The following PARP9 variants were observed in gnomAD, a reference collection of about 807,000 sequenced individuals.
The protein encoded by PARP9 is protein mono-ADP-ribosyltransferase PARP9.
PARP9 carries 48 observed loss-of-function variants against 68.8 expected under a neutral mutation model. The observed-to-expected ratio is 0.70, with a 90% CI of 0.55 to 0.89. The LOEUF (loss-of-function observed/expected upper bound fraction) is 0.89, where lower values mean the gene tolerates loss of function less well. PARP9 is among the 40% of genes least tolerant of loss of function. The pLI is 0.00. For synonymous variants in PARP9, 309 were observed against 333.8 expected, an observed-to-expected ratio of 0.93 and a Z score of 0.81; for missense variants, 806 against 969.3, an observed-to-expected ratio of 0.83 and a Z score of 2.24.
chr3:122,546,666 T>A (rs1460367390), intron 6 of PARP9, among the ~76,000 whole-genome samples: 1 of 152,146 alleles, frequency 6.6e-6, no homozygotes, highest in African/African-American at 2.4e-5. Flanking sequence ...GAAGGAATGG[T>A]CAACATTCAC....
intron 7 of PARP9, among the ~76,000 whole-genome samples, chr3:122,542,804 A>G (rs149233310): frequency 8.8e-4 from 134 of 152,188 alleles, no homozygotes; most frequent in Admixed American, 1.7e-3. Context: ...ACTTTAGTAT[A>G]TGTGTTGGCA....
chr3:122,531,142 G>A (rs1037079953), intron 10 of PARP9, among the ~76,000 whole-genome samples: 2 of 151,992 alleles, frequency 1.3e-5, no homozygotes, highest in South Asian at 2.1e-4. Context: ...AATTTAGACC[G>A]GCCACATTTC....
rs1388068969 is a variant in PARP9, at chr3:122,527,953, A to G, written c.*411T>C. The G allele has an allele frequency of 6.5e-6, 1 of 153,246 alleles. No homozygotes were observed. The highest frequency in any genetic ancestry group is 2.4e-5 in the African/African-American group (1 of 41,488). The allele number at this position is 153,246 out of a possible 1,614,324, so 9.5% of individuals were successfully genotyped here. A position where few individuals can be genotyped will look rare whatever the true frequency, so the allele number is the denominator to read the frequency against. On this transcript the variant is annotated 3_prime_UTR_variant, in exon 11 of 11. Transcript: ENST00000682323. ...TCAGACAAAGATGATTTATTTTCAT[A>G]CCTAAAGCACTTTATAATATTCTCT...
rs776833441 is a variant in PARP9 at position 122,540,794 on chromosome 3, G to A, written c.1443C>T (p.Ala481=). 6.2e-6 allele frequency: 10 copies of A among 1,614,020 alleles called. No homozygotes were observed. Among genetic ancestry groups the A allele is most frequent in the Non-Finnish European group, 4.2e-6 (5 of 1,179,974 alleles). The change falls in exon 8 of 11, where the codon GCC becomes GCT. Residue 481 remains alanine (A), a synonymous_variant. Transcript: ENST00000682323. ...RENGLEARSP[A]INLMGFNVEE... ...CCACGTTGAATCCCATCAGATTGAT[G>A]GCAGGAGATCTAGCTTCAAGCCCAT...
At chr3:122,546,589 G>A (rs927518958) in intron 6 of PARP9, among the ~76,000 whole-genome samples, 5 of 152,154 alleles carry the variant, frequency 3.3e-5, no homozygotes, top group African/African-American at 1.2e-4. Flanking sequence ...ATTAGAAGAT[G>A]TATACATTAT....
intron 10 of PARP9, among the ~76,000 whole-genome samples, chr3:122,531,371 T>C (rs2077293282): frequency 6.6e-6 from 1 of 152,252 alleles, no homozygotes; most frequent in African/African-American, 2.4e-5. Flanking sequence ...TTGCTCTTTG[T>C]TCTTCCACCT....
intron 7 of PARP9, among the ~76,000 whole-genome samples, chr3:122,541,929 G>A (rs2078260250): frequency 6.6e-6 from 1 of 152,174 alleles, no homozygotes; most frequent in Admixed American, 6.5e-5. Context: ...TGGTACAGGA[G>A]CTACAAAAGA....
chr3:122,528,428 C>T lies in PARP9; in HGVS notation c.2396G>A (p.Gly799Glu), dbSNP rs765837687. Residue 799 changes from glycine (G) to glutamate (E), a missense_variant, in exon 11 of 11, where the codon GGA becomes GAA. Physicochemically the swap from Gly to Glu is moderately conservative, Grantham distance 98 (BLOSUM62 -2). This residue lies in a region of PARP9 where 680 missense variants were observed against 858.8 expected (regional missense o/e 0.79). Coordinates refer to ENST00000682323, the MANE Select transcript of PARP9 (RefSeq NM_001146105.2). ...ATGCTGTGCAAAGGGTCTCATTGGT[C>T]CTGATGAGTAATCTTGTGACTGTAC... ...EYVQSQDYSS[G>E]PMRPFAQHPW... The T allele has an allele frequency of 4.3e-6, 7 of 1,614,176 alleles. No homozygotes were observed. Among genetic ancestry groups the T allele is most frequent in the Non-Finnish European group, 5.9e-6 (7 of 1,180,030 alleles).
intron 10 of PARP9, chr3:122,535,337 G>T: frequency 1.0e-6 from 1 of 985,272 alleles, no homozygotes; most frequent in Non-Finnish European, 1.2e-6. Flanking sequence ...CCAGAACAAA[G>T]AAAAGATGAT....
intron 6 of PARP9, among the ~76,000 whole-genome samples, chr3:122,549,208 A>G (rs9812348): frequency 0.54 from 81,765 of 151,616 alleles, 22,792 homozygotes; most frequent in East Asian, 0.78. Flanking sequence ...TAGAAACGGG[A>G]TTTCATCATG....
chr3:122,535,963 T>C, intron 10 of PARP9: 2 of 1,446,882 alleles, frequency 1.4e-6, no homozygotes, highest in South Asian at 1.5e-5. Context: ...GTAAAATGCA[T>C]CAGCAACAAA....
At chr3:122,551,550 A>G (rs2079201138) in intron 5 of PARP9, among the ~76,000 whole-genome samples, 1 of 152,102 alleles carries the variant, frequency 6.6e-6, no homozygotes, top group Admixed American at 6.5e-5. Context: ...TCCAGGCTAG[A>G]GGGCAGTGGC....
At chr3:122,541,605 A>G (rs2078236419) in intron 7 of PARP9, among the ~76,000 whole-genome samples, 1 of 152,252 alleles carries the variant, frequency 6.6e-6, no homozygotes, top group African/African-American at 2.4e-5. Flanking sequence ...GATTTTAAGA[A>G]TAATACATGT....
At chr3:122,545,172 A>C (rs773895521) in intron 7 of PARP9, among the ~76,000 whole-genome samples, 1 of 152,164 alleles carries the variant, frequency 6.6e-6, no homozygotes, top group Non-Finnish European at 1.5e-5. Context: ...AAAATTATAG[A>C]TATCTATTTA....
chr3:122,546,911 G>C (rs1434351415), intron 6 of PARP9, among the ~76,000 whole-genome samples: 1 of 141,680 alleles, frequency 7.1e-6, no homozygotes. Flanking sequence ...AAGATTAAGG[G>C]GAGAAGGAGA....
At chr3:122,564,437 AC>A, upstream of PARP9, 1 of 1,610,228 alleles carries the variant, frequency 6.2e-7, no homozygotes, top group Non-Finnish European at 8.5e-7. Flanking sequence ...ATGGCCTCCC[AC>A]CTGCGCCCGC....
chr3:122,564,178 C>T lies in PARP9; in HGVS notation c.-90+67G>A, dbSNP rs141825038. On this transcript the variant is annotated intron_variant, in intron 1 of 10. Coordinates refer to ENST00000682323, the MANE Select transcript of PARP9 (RefSeq NM_001146105.2). ...ACCCGGGTCCGCGCCCGTCCCCCTTCTCCCCGCCCACCTCGAGCCTGCAGG... is the reference window on the plus strand; with the variant it reads ...ACCCGGGTCCGCGCCCGTCCCCCTTTTCCCCGCCCACCTCGAGCCTGCAGG... The T allele has an allele frequency of 7.4e-3, 3,619 of 489,592 alleles. 24 individuals are homozygous for T. The highest frequency in any genetic ancestry group is 0.01 in the Non-Finnish European group (2,806 of 279,620). The allele number at this position is 489,592 out of a possible 1,614,324, so 30.3% of individuals were successfully genotyped here.
In PARP9 at chr3:122,552,508, C is replaced by A; in HGVS notation, c.1017G>T (p.Arg339=). 6.2e-7 allele frequency: 1 copy of A among 1,614,070 alleles called. No homozygotes were observed. ...CTTTTGTGACCAGTACCAACTGGGA[C>A]CGTTGAAACTGTTTAGCCTTTGTGG... ...FLATKAKQFQ[R]SQLVLVTKGF... is the part of the protein sequence containing the mutation. The change falls in exon 5 of 11, where the codon CGG becomes CGT. Residue 339 remains arginine (R), a synonymous_variant. Coordinates refer to ENST00000682323, the MANE Select transcript of PARP9 (RefSeq NM_001146105.2).
rs536575665 is a variant in PARP9 at position 122,534,523 on chromosome 3, G to A, written c.2080+1645C>T. ...TGAGAGTTTTCATTGCAGTTTTCCCGCTCCTTTTTATATCACTATATAATG... is the reference window on the plus strand; with the variant it reads ...TGAGAGTTTTCATTGCAGTTTTCCCACTCCTTTTTATATCACTATATAATG... On this transcript the variant is annotated intron_variant, in intron 10 of 10. Coordinates refer to ENST00000682323, the MANE Select transcript of PARP9 (RefSeq NM_001146105.2). 28 of 814,588 alleles carry A rather than the reference G, an allele frequency of 3.4e-5. No homozygotes were observed. The South Asian group carries it at 1.2e-3, about 35-fold the overall frequency. 50.5% of individuals were successfully genotyped at this position (814,588 alleles called of 1,614,324 possible).
Sources: allele counts gnomAD v4.1 joint callset (sites outside exome capture counted in the v4.1 genomes callset), GRCh38; gene constraint gnomAD v4.1.1; regional missense constraint gnomAD v4.1.1; transcripts MANE v1.5; gene names NCBI Gene and HGNC (gene_info 2026-07-23, HGNC 2026-07-21).